Variants in THSD4 observed in about 807,000 individuals in gnomAD.
THSD4 encodes the protein thrombospondin type-1 domain-containing protein 4.
THSD4 carries 69 observed loss-of-function variants against 119.0 expected under a neutral mutation model. The observed-to-expected ratio is 0.58, with a 90% CI of 0.48 to 0.71. The LOEUF (loss-of-function observed/expected upper bound fraction) is 0.71. Ranked by LOEUF, THSD4 falls within the 30% of genes least tolerant of loss-of-function variation. The pLI is 0.00. For synonymous variants in THSD4, 524 were observed against 540.4 expected (o/e 0.97, Z 0.42); for missense variants, 1,393 against 1,391.1 (o/e 1.00, Z -0.02).
intron 8 of THSD4, among the ~76,000 whole-genome samples, chr15:71,714,979 ACAAG>A (rs921987088): frequency 8.5e-5 from 13 of 152,350 alleles, no homozygotes; most frequent in Admixed American, 8.5e-4. Flanking sequence ...GAGTGGGTGG[ACAAG>A]CTGCCATCAT....
chr15:71,372,320 G>T (rs761620422), intron 6 of THSD4, among the ~76,000 whole-genome samples: 3 of 152,224 alleles, frequency 2.0e-5, no homozygotes, highest in Non-Finnish European at 4.4e-5. Context: ...CGTTGCTGGC[G>T]AGGAGCTGCT....
rs78172571 is a variant in THSD4, at chr15:71,108,085, G to A, written c.-80+11079G>A. Among the ~76,000 whole-genome samples the A allele has an allele frequency of 7.8e-3, 1,186 of 152,322 alleles. 14 individuals are homozygous for A. The highest frequency in any genetic ancestry group is 0.027 in the African/African-American group (1,105 of 41,572). The stretch of plus-strand genomic sequence containing the variant: ...CTCTGATGTCTTCCACCTCCATGTG[G>A]CCTGCTTGCTGGCAGATACAAGGAT... On this transcript the variant is annotated intron_variant, in intron 1 of 17. Coordinates refer to the THSD4 transcript ENST00000355327.
chr15:71,572,258 G>A (rs1389418754), intron 7 of THSD4, among the ~76,000 whole-genome samples: 1 of 152,198 alleles, frequency 6.6e-6, no homozygotes. Context: ...ATAGTGAGCA[G>A]TTTTCCTGTA....
At chr15:71,387,729 A>C (rs1050188364) in intron 6 of THSD4, among the ~76,000 whole-genome samples, 2 of 152,268 alleles carry the variant, frequency 1.3e-5, no homozygotes, top group African/African-American at 4.8e-5. Context: ...ATATACAACA[A>C]AGGCTTAGAA....
chr15:71,736,600 G>GGTCTCT (rs1159474404), intron 10 of THSD4, among the ~76,000 whole-genome samples: 2 of 145,158 alleles, frequency 1.4e-5, no homozygotes, highest in African/African-American at 5.1e-5. Flanking sequence ...TTGCTCTCTT[G>GGTCTCT]GTCTCTGTCT....
chr15:71,416,751 A>G (rs28845913), intron 7 of THSD4, among the ~76,000 whole-genome samples: 2,691 of 20,132 alleles, frequency 0.13, 514 homozygotes, highest in African/African-American at 0.29. Flanking sequence ...GTTTTGTTTT[A>G]TTTTATTTTA....
At chr15:71,481,769 T>G (rs2047734130) in intron 7 of THSD4, among the ~76,000 whole-genome samples, 1 of 152,226 alleles carries the variant, frequency 6.6e-6, no homozygotes, top group Non-Finnish European at 1.5e-5. Context: ...GCTAGAGTAT[T>G]ATTTTCTCAC....
intron 11 of THSD4, among the ~76,000 whole-genome samples, chr15:71,743,863 A>G (rs2053282006): frequency 6.6e-6 from 1 of 152,256 alleles, no homozygotes; most frequent in Non-Finnish European, 1.5e-5. Flanking sequence ...GATAGCCCCT[A>G]TGTTGCAGTT....
intron 7 of THSD4, among the ~76,000 whole-genome samples, chr15:71,513,679 T>C (rs1268122826): frequency 6.6e-6 from 1 of 152,196 alleles, no homozygotes; most frequent in Non-Finnish European, 1.5e-5. Flanking sequence ...ATGAAATTGC[T>C]GGGTATTTAC....
At chr15:71,738,155 G>A in intron 11 of THSD4, 148 bp downstream of exon 11, 4 of 1,145,384 alleles carry the variant, frequency 3.5e-6, no homozygotes, top group Non-Finnish European at 4.9e-6. Context: ...CGGGGTTGGG[G>A]GATGGTTTCT....
intron 6 of THSD4, among the ~76,000 whole-genome samples, chr15:71,410,099 A>C (rs1282213491): frequency 6.6e-6 from 1 of 152,182 alleles, no homozygotes; most frequent in Admixed American, 6.5e-5. Context: ...AAATGTACAG[A>C]AAGACTCTGA....
At chr15:71,229,111 C>A (rs1283541662) in intron 4 of THSD4, among the ~76,000 whole-genome samples, 2 of 152,202 alleles carry the variant, frequency 1.3e-5, no homozygotes, top group Non-Finnish European at 2.9e-5. Flanking sequence ...TTGTTAAGCT[C>A]TTTAGAGGCT....
chr15:71,511,549 G>C (rs975214551), intron 7 of THSD4, among the ~76,000 whole-genome samples: 1 of 152,016 alleles, frequency 6.6e-6, no homozygotes, highest in Non-Finnish European at 1.5e-5. Flanking sequence ...GAATTAAAAC[G>C]TGGGAAAACC....
intron 7 of THSD4, among the ~76,000 whole-genome samples, chr15:71,442,648 GTGTGTGTGTGTGTATATATATATATA>G (rs2047119325): frequency 1.2e-4 from 3 of 24,742 alleles, no homozygotes; most frequent in South Asian, 4.3e-3. Flanking sequence ...GTGTATATGT[GTGTGTGTGTGTGTATATATATATATA>G]TATATATATA....
chr15:71,194,082 A>G (rs2043699399), intron 3 of THSD4, among the ~76,000 whole-genome samples: 4 of 152,164 alleles, frequency 2.6e-5, no homozygotes, highest in Admixed American at 2.0e-4. Context: ...GCTGCCATGT[A>G]AGATGTGCCT....
intron 10 of THSD4, among the ~76,000 whole-genome samples, chr15:71,737,509 T>C (rs1465350562): frequency 3.3e-5 from 5 of 152,248 alleles, no homozygotes; most frequent in Non-Finnish European, 7.3e-5. Context: ...ACAATTCCTG[T>C]TCCTACTGCA....
At chr15:71,771,241 TTG>T in intron 17 of THSD4, 33 bp downstream of exon 17, 1 of 1,610,538 alleles carries the variant, frequency 6.2e-7, no homozygotes, top group Non-Finnish European at 8.5e-7. Context: ...GGGGAAAGGT[TTG>T]TGTTTTTTAA....
rs569173263 is a variant in THSD4 at position 71,780,820 on chromosome 15, T to C, written c.*3446T>C. The C allele has an allele frequency of 4.4e-6, 2 of 455,952 alleles. No individual in the cohort carries two copies. The highest frequency in any genetic ancestry group is 1.4e-4 in the East Asian group (2 of 14,378). The allele number at this position is 455,952 out of a possible 1,614,324, so 28.2% of individuals were successfully genotyped here. A position where few individuals can be genotyped will look rare whatever the true frequency, so the allele number is the denominator to read the frequency against. ...CAAAGTATTTAGCATTCAACACTCT[T>C]TTTGCTTTAAAAAGAATGGCCTTAC... On this transcript the variant is annotated 3_prime_UTR_variant, in exon 18 of 18. Transcript: ENST00000261862.
rs565786823 is a variant in THSD4 at position 71,492,269 on chromosome 15, T to A, written c.1152+80446T>A. Among the ~76,000 whole-genome samples, 269 of 152,268 alleles carry A rather than the reference T, an allele frequency of 1.8e-3. 2 individuals carry two copies. Among genetic ancestry groups the A allele is most frequent in the African/African-American group, 6.0e-3 (250 of 41,566 alleles). ...TAGGTTTTGTTTATTTTATTTATTT[T>A]ATTTTTTATTTTCGAGATGGAGTCT... On this transcript the variant is annotated intron_variant, in intron 7 of 17. Transcript: ENST00000261862.
Sources: allele counts gnomAD v4.1 joint callset (sites outside exome capture counted in the v4.1 genomes callset), GRCh38; gene constraint gnomAD v4.1.1; transcripts MANE v1.5; gene names NCBI Gene and HGNC (gene_info 2026-07-23, HGNC 2026-07-21).